The following BCAS3 variants were observed in gnomAD, a reference collection of about 807,000 sequenced individuals.
BCAS3 encodes the protein BCAS4/BCAS3 fusion.
BCAS3 carries 53 observed loss-of-function variants against 116.1 expected under a neutral mutation model. The observed-to-expected ratio is 0.46, with a 90% CI of 0.37 to 0.57. The LOEUF (loss-of-function observed/expected upper bound fraction) is 0.57. BCAS3 is among the 20% of genes least tolerant of loss of function. The pLI is 0.00. For missense variants in BCAS3, 917 were observed against 1,165.4 expected (o/e 0.79, Z 3.10); for synonymous variants, 391 against 408.2 (o/e 0.96, Z 0.51).
chr17:61,033,980 A>G (rs904099153), intron 16 of BCAS3, among the ~76,000 whole-genome samples: 8 of 152,196 alleles, frequency 5.3e-5, no homozygotes, highest in African/African-American at 1.7e-4. Context: ...GAGGCTATTG[A>G]TATGTAATTC....
At position 61,045,845 on chromosome 17, in the gene BCAS3, C is replaced by CTA. The variant is rs1411131351; in HGVS notation, c.2029+4954_2029+4955insAT. The stretch of plus-strand genomic sequence containing the variant: ...TCTTTCTCTCTCTCTCTCTCTCTCT[C>CTA]TCTCTATATATATATATATAAATAT... On this transcript the variant is annotated intron_variant, in intron 19 of 23. Transcript: ENST00000407086. Among the ~76,000 whole-genome samples, 9 of 3,704 alleles carry CTA rather than the reference C, an allele frequency of 2.4e-3. 1 individual carries two copies. Among genetic ancestry groups the CTA allele is most frequent in the African/African-American group, 8.3e-3 (9 of 1,082 alleles). 2.4% of individuals were successfully genotyped at this position (3,704 alleles called of 152,430 possible). A position where few individuals can be genotyped will look rare whatever the true frequency, so the allele number is the denominator to read the frequency against.
chr17:61,262,058 A>T (rs2049252367), intron 22 of BCAS3, among the ~76,000 whole-genome samples: 1 of 152,208 alleles, frequency 6.6e-6, no homozygotes, highest in African/African-American at 2.4e-5. Context: ...TAAGAATTGG[A>T]AGAAAATAGG....
chr17:61,274,624 A>G (rs1448872394), intron 22 of BCAS3, among the ~76,000 whole-genome samples: 1 of 151,988 alleles, frequency 6.6e-6, no homozygotes, highest in Non-Finnish European at 1.5e-5. Context: ...ACTTCCTTAT[A>G]TTAAAAACCT....
At chr17:61,296,539 TTCTCATTC>T (rs1293776659) in intron 22 of BCAS3, among the ~76,000 whole-genome samples, 3 of 152,232 alleles carry the variant, frequency 2.0e-5, no homozygotes, top group Non-Finnish European at 4.4e-5. Flanking sequence ...CCAGCCAAAG[TTCTCATTC>T]CCCAGTGTGA....
chr17:61,336,064 A>G (rs2056697898), intron 22 of BCAS3, among the ~76,000 whole-genome samples: 1 of 152,212 alleles, frequency 6.6e-6, no homozygotes, highest in African/African-American at 2.4e-5. Flanking sequence ...TCGCGCCTCC[A>G]GCTCCAGAGG....
At position 61,342,537 on chromosome 17, in the gene BCAS3, G is replaced by A. The variant is rs562829099; in HGVS notation, c.2426-25790G>A. ...GCAGTCCAGGACCTCCCAACGCCGAGCACATCCTCTCTCCTTCCTCGCTGG... is the reference window on the plus strand; with the variant it reads ...GCAGTCCAGGACCTCCCAACGCCGAACACATCCTCTCTCCTTCCTCGCTGG... On this transcript the variant is annotated intron_variant, in intron 22 of 23. Transcript: ENST00000407086. 2.6e-5 allele frequency among the ~76,000 whole-genome samples: 4 copies of A among 152,344 alleles called. No homozygotes were observed. In the South Asian group the frequency reaches 8.3e-4, roughly 32 times the overall value.
intron 19 of BCAS3, among the ~76,000 whole-genome samples, chr17:61,054,969 G>A (rs2069228582): frequency 6.6e-6 from 1 of 152,194 alleles, no homozygotes; most frequent in Non-Finnish European, 1.5e-5. Flanking sequence ...TAGGCTATCA[G>A]AACTCTGCTC....
intron 22 of BCAS3, among the ~76,000 whole-genome samples, chr17:61,246,476 A>G (rs2047959226): frequency 6.9e-6 from 1 of 145,596 alleles, no homozygotes; most frequent in Non-Finnish European, 1.5e-5. Flanking sequence ...TCTCAGAAAA[A>G]AAAAAAAAAA....
chr17:60,992,063 A>G (rs963759288), intron 15 of BCAS3, among the ~76,000 whole-genome samples: 3 of 152,066 alleles, frequency 2.0e-5, no homozygotes, highest in African/African-American at 4.8e-5. Context: ...GAATAGTGCT[A>G]TTATGAATAT....
rs969283954 is a variant in BCAS3 at position 61,344,212 on chromosome 17, T to C, written c.2426-24115T>C. On this transcript the variant is annotated intron_variant, in intron 22 of 23. Transcript: ENST00000407086. The surrounding 1 kb of genome is among the most constrained non-coding windows in gnomAD (Gnocchi z 4.1). ...CAAACCCTCTTTGCTTAGGAGAACC[T>C]GAGTTCACCTGCCAAAATCATCCTT... 7.9e-5 allele frequency among the ~76,000 whole-genome samples: 12 copies of C among 151,880 alleles called. No individual in the cohort carries two copies. Among genetic ancestry groups the C allele is most frequent in the African/African-American group, 2.9e-4 (12 of 41,326 alleles).
At chr17:61,079,239 C>G (rs2072319363) in intron 21 of BCAS3, among the ~76,000 whole-genome samples, 1 of 151,998 alleles carries the variant, frequency 6.6e-6, no homozygotes, top group African/African-American at 2.4e-5. Context: ...AAAAAAAACT[C>G]TATAGTATAT....
chr17:61,369,172 C>T (rs758239384), intron 23 of BCAS3, among the ~76,000 whole-genome samples: 1 of 152,240 alleles, frequency 6.6e-6, no homozygotes. Context: ...CAGCCTGCCT[C>T]TTCTTTCCAA....
At chr17:60,998,316 A>T (rs1382008490) in intron 15 of BCAS3, among the ~76,000 whole-genome samples, 1 of 152,214 alleles carries the variant, frequency 6.6e-6, no homozygotes, top group Non-Finnish European at 1.5e-5. Context: ...ATATAAGTGC[A>T]TGTGTTTTTT....
Position 60,964,652 on chromosome 17 carries a change from G to A in BCAS3, c.1221+17300G>A, listed in dbSNP as rs767126217. Among the ~76,000 whole-genome samples, 1 of 152,146 alleles carries A rather than the reference G, an allele frequency of 6.6e-6. No homozygotes were observed. The highest frequency in any genetic ancestry group is 1.5e-5 in the Non-Finnish European group (1 of 68,022). On this transcript the variant is annotated intron_variant, in intron 14 of 23. Coordinates refer to ENST00000407086, the MANE Select transcript of BCAS3 (RefSeq NM_017679.5). The surrounding 1 kb of genome is among the most constrained non-coding windows in gnomAD (Gnocchi z 4.6). Reference sequence around the variant, plus strand: ...TAAATGTTTGGTAGAATTCAGCAGTGAAGTTGTGAAGTCCTGGGATTTTCT... The same window carrying A: ...TAAATGTTTGGTAGAATTCAGCAGTAAAGTTGTGAAGTCCTGGGATTTTCT...
At chr17:60,944,854 C>T (rs1242325146) in intron 13 of BCAS3, among the ~76,000 whole-genome samples, 5 of 152,056 alleles carry the variant, frequency 3.3e-5, no homozygotes, top group Non-Finnish European at 7.4e-5. Flanking sequence ...ACATATTTTA[C>T]GAAGGACTTT....
chr17:60,905,279 T>C (rs1271752379), intron 11 of BCAS3, among the ~76,000 whole-genome samples: 1 of 152,188 alleles, frequency 6.6e-6, no homozygotes, highest in African/African-American at 2.4e-5. Flanking sequence ...TCACAATCCA[T>C]TTGAGATAAT....
chr17:61,242,334 C>G (rs2047598273), intron 22 of BCAS3, among the ~76,000 whole-genome samples: 1 of 151,584 alleles, frequency 6.6e-6, no homozygotes. Flanking sequence ...CAGGGTCTGA[C>G]CTAAAGGAGA....
In BCAS3 at chr17:61,051,226, A is replaced by C. The variant is rs1452862791; in HGVS notation, c.2029+10334A>C. Among the ~76,000 whole-genome samples the C allele has an allele frequency of 1.3e-5, 2 of 152,088 alleles. No individual in the cohort carries two copies. Among genetic ancestry groups the C allele is most frequent in the African/African-American group, 4.8e-5 (2 of 41,446 alleles). On this transcript the variant is annotated intron_variant, in intron 19 of 23. Coordinates refer to ENST00000407086, the MANE Select transcript of BCAS3 (RefSeq NM_017679.5). This position sits in a 1 kb window ranked among gnomAD's most constrained non-coding sequence, Gnocchi z 4.1. ...GTTTCCACACTGCATGATTTCATTTATATAACATTCTCAAAATGACAAAAT... is the reference window on the plus strand; with the variant it reads ...GTTTCCACACTGCATGATTTCATTTCTATAACATTCTCAAAATGACAAAAT...
rs1439178306 is a variant in BCAS3 at position 61,363,637 on chromosome 17, A to G, written c.2426-4690A>G. On this transcript the variant is annotated intron_variant, in intron 22 of 23. Coordinates refer to ENST00000407086, the MANE Select transcript of BCAS3 (RefSeq NM_017679.5). This position sits in a 1 kb window ranked among gnomAD's most constrained non-coding sequence, Gnocchi z 4.9. ...GTGGACACTAACTAATATTTGATATATGTGTGAGTTAACTGAAATAGCAAA... is the reference window on the plus strand; with the variant it reads ...GTGGACACTAACTAATATTTGATATGTGTGTGAGTTAACTGAAATAGCAAA... 6.6e-6 allele frequency among the ~76,000 whole-genome samples: 1 copy of G among 151,026 alleles called. No individual in the cohort carries two copies. Among genetic ancestry groups the G allele is most frequent in the Non-Finnish European group, 1.5e-5 (1 of 67,938 alleles).
Sources: gnomAD v4.1 joint callset for allele counts (sites outside exome capture counted in the v4.1 genomes callset) on GRCh38, gnomAD v4.1.1 for gene constraint, Gnocchi (gnomAD v3.1) non-coding constraint, MANE v1.5 for transcripts, NCBI Gene and HGNC (gene_info 2026-07-23, HGNC 2026-07-21) for gene names.